NINJ2: variants seen among roughly 807,000 people sequenced by gnomAD.
NINJ2 encodes the protein ninjurin-2.
Under a neutral mutation model 11.7 loss-of-function variants are expected in NINJ2, and 12 were observed. That is an observed-to-expected ratio of 1.02 (90% CI 0.66 to 1.66). NINJ2 has a LOEUF of 1.66. NINJ2 is among the 40% of genes most tolerant of loss of function. The pLI, the probability that NINJ2 is intolerant of heterozygous loss-of-function variation, is 0.00. For synonymous variants in NINJ2, 93 were observed against 76.8 expected (o/e 1.21, Z -1.10); for missense variants, 187 against 181.8 (o/e 1.03, Z -0.16).
At chr12:620,000 CCGT>C (rs780761575) in intron 1 of NINJ2, among the ~76,000 whole-genome samples, 23 of 152,208 alleles carry the variant, frequency 1.5e-4, no homozygotes, top group Non-Finnish European at 3.2e-4. Context: ...CCCATGGCAG[CCGT>C]GTCATGGCTT....
At chr12:624,994 G>A (rs924559917) in intron 1 of NINJ2, among the ~76,000 whole-genome samples, 2 of 150,032 alleles carry the variant, frequency 1.3e-5, no homozygotes, top group Non-Finnish European at 3.0e-5. Context: ...CTATAATCCC[G>A]GCTACTTGGG....
chr12:622,573 C>T (rs1948166602), intron 1 of NINJ2, among the ~76,000 whole-genome samples: 2 of 152,084 alleles, frequency 1.3e-5, no homozygotes, highest in Admixed American at 6.6e-5. Context: ...GTCATTGTTT[C>T]CTACTGCACA....
At chr12:632,293 C>T (rs1193340558) in intron 1 of NINJ2, 1 of 152,186 alleles carries the variant, frequency 6.6e-6, no homozygotes, top group Non-Finnish European at 1.5e-5. Context: ...GACAGGAAAA[C>T]AAATCTCTTT....
intron 1 of NINJ2, among the ~76,000 whole-genome samples, chr12:595,916 G>A (rs1163053387): frequency 6.6e-6 from 1 of 152,180 alleles, no homozygotes; most frequent in Admixed American, 6.5e-5. Flanking sequence ...TGGCAAGTAA[G>A]TATATAAAAA....
chr12:565,192 C>A, intron 3 of NINJ2, 25 bp downstream of exon 3: 1 of 1,576,876 alleles, frequency 6.3e-7, no homozygotes, highest in Non-Finnish European at 8.6e-7. Flanking sequence ...GTCCCTGGAG[C>A]TGGGGTTCCT....
Position 571,984 on chromosome 12 carries a change from G to C in NINJ2, c.34-5806C>G, listed in dbSNP as rs541146024. Among the ~76,000 whole-genome samples, 6 of 152,346 alleles carry C rather than the reference G, an allele frequency of 3.9e-5. No homozygotes were observed. In the East Asian group the frequency reaches 1.2e-3, roughly 29 times the overall value. ...CAGTGTGTGTCCCAAGGGAAGTATA[G>C]GCATGGTGAGGGGAGTTGTAGCAGC... On this transcript the variant is annotated intron_variant, in intron 1 of 3. Transcript: ENST00000305108.
At chr12:567,668 TTACC>T (rs1267839091) in intron 1 of NINJ2, among the ~76,000 whole-genome samples, 2 of 152,190 alleles carry the variant, frequency 1.3e-5, no homozygotes, top group Non-Finnish European at 2.9e-5. Flanking sequence ...GCTAACTGAT[TTACC>T]TATCTATCAG....
intron 1 of NINJ2, among the ~76,000 whole-genome samples, chr12:611,928 TA>T (rs1482001584): frequency 6.6e-6 from 1 of 152,248 alleles, no homozygotes; most frequent in Non-Finnish European, 1.5e-5. Context: ...ACCACTTAGC[TA>T]AAGTCAGCAT....
intron 1 of NINJ2, chr12:643,344 GGA>G: frequency 1.4e-6 from 1 of 726,160 alleles, no homozygotes; most frequent in Non-Finnish European, 1.7e-6. Flanking sequence ...CGCCGGGTGG[GGA>G]GGGGAGGGTG....
chr12:653,070 G>A (rs113986871), intron 1 of NINJ2, among the ~76,000 whole-genome samples: 1,786 of 138,252 alleles, frequency 0.013, 38 homozygotes, highest in African/African-American at 0.046. Flanking sequence ...ACCCAGGCTG[G>A]AGTGCAGTGG....
intron 1 of NINJ2, among the ~76,000 whole-genome samples, chr12:654,123 C>T (rs780626578): frequency 6.6e-6 from 1 of 152,064 alleles, no homozygotes; most frequent in Non-Finnish European, 1.5e-5. Flanking sequence ...TGTGCCAAGG[C>T]ATTTCAGGCT....
In NINJ2 at chr12:580,876, G is replaced by A. The variant is rs1947540850; in HGVS notation, c.34-14698C>T. Among the ~76,000 whole-genome samples, 2 of 151,846 alleles carry A rather than the reference G, an allele frequency of 1.3e-5. No individual in the cohort carries two copies. Among genetic ancestry groups the A allele is most frequent in the African/African-American group, 2.4e-5 (1 of 41,320 alleles). On this transcript the variant is annotated intron_variant, in intron 1 of 3. Transcript: ENST00000305108. This position sits in a 1 kb window ranked among gnomAD's most constrained non-coding sequence, Gnocchi z 4.7. Reference sequence around the variant, plus strand: ...TGTGTGCATGAGTGTCTGTGTGAATGTGTCTATGCATGTGTCTGTGTGTCT... The same window carrying A: ...TGTGTGCATGAGTGTCTGTGTGAATATGTCTATGCATGTGTCTGTGTGTCT...
rs1458853525 is a variant in NINJ2, at chr12:640,674, T to C, written c.33+22654A>G. ...CAAGTAGGGCTAATATCTGTATTTT[T>C]AGTAGAGACCCTGTCTCTTCACTAT... On this transcript the variant is annotated intron_variant, in intron 1 of 3. Coordinates refer to ENST00000305108, the MANE Select transcript of NINJ2 (RefSeq NM_016533.6). The surrounding 1 kb of genome is among the most constrained non-coding windows in gnomAD (Gnocchi z 4.0). Among the ~76,000 whole-genome samples the C allele has an allele frequency of 2.6e-5, 4 of 152,118 alleles. No individual in the cohort carries two copies. The highest frequency in any genetic ancestry group is 5.9e-5 in the Non-Finnish European group (4 of 68,002).
chr12:654,570 T>A (rs1031555666), intron 1 of NINJ2, among the ~76,000 whole-genome samples: 1 of 149,832 alleles, frequency 6.7e-6, no homozygotes, highest in South Asian at 2.1e-4. Context: ...TGGGGTTTAG[T>A]CCAGGTATGC....
chr12:609,296 AC>A (rs1238431671), intron 1 of NINJ2, among the ~76,000 whole-genome samples: 1 of 139,494 alleles, frequency 7.2e-6, no homozygotes, highest in African/African-American at 2.6e-5. Context: ...CTGAACGCAC[AC>A]GCACGGCGCC....
chr12:611,275 C>CTCTCTCTTTCTT (rs1565635019), intron 1 of NINJ2, among the ~76,000 whole-genome samples: 3 of 128,252 alleles, frequency 2.3e-5, no homozygotes, highest in African/African-American at 9.1e-5. Flanking sequence ...CTTTCTTTCT[C>CTCTCTCTTTCTT]TCTCTCTTTC....
chr12:580,856 G>C lies in NINJ2; in HGVS notation c.34-14678C>G, dbSNP rs915437107. 2.0e-5 allele frequency among the ~76,000 whole-genome samples: 3 copies of C among 151,804 alleles called. No individual in the cohort carries two copies. The highest frequency in any genetic ancestry group is 7.3e-5 in the African/African-American group (3 of 41,276). On this transcript the variant is annotated intron_variant, in intron 1 of 3. Transcript: ENST00000305108. The surrounding 1 kb of genome is among the most constrained non-coding windows in gnomAD (Gnocchi z 4.7). Reference sequence around the variant, plus strand: ...TGTGTATGCATGTGTGTCTGTGTGTGCATGAGTGTCTGTGTGAATGTGTCT... The same window carrying C: ...TGTGTATGCATGTGTGTCTGTGTGTCCATGAGTGTCTGTGTGAATGTGTCT...
chr12:641,685 A>G (rs1948418212), intron 1 of NINJ2, among the ~76,000 whole-genome samples: 1 of 151,850 alleles, frequency 6.6e-6, no homozygotes, highest in African/African-American at 2.4e-5. Context: ...TCTACTAAAA[A>G]ATACAAAAAA....
chr12:663,262 C>T, intron 1 of NINJ2, 66 bp downstream of exon 1: 1 of 1,439,954 alleles, frequency 6.9e-7, no homozygotes, highest in South Asian at 1.2e-5. Flanking sequence ...AAGTATCAAT[C>T]CTCTGTTCTT....
Sources: gnomAD v4.1 joint callset for allele counts (sites outside exome capture counted in the v4.1 genomes callset) on GRCh38, gnomAD v4.1.1 for gene constraint, Gnocchi (gnomAD v3.1) non-coding constraint, MANE v1.5 for transcripts, NCBI Gene and HGNC (gene_info 2026-07-23, HGNC 2026-07-21) for gene names.